The following ROBO1 variants were observed in gnomAD, a reference collection of about 807,000 sequenced individuals.
The protein encoded by ROBO1 is roundabout homolog 1.
In ROBO1, 149 loss-of-function variants were observed where a neutral mutation model predicts 195.9. That is an observed-to-expected ratio of 0.76 (90% CI 0.67 to 0.87). The LOEUF (loss-of-function observed/expected upper bound fraction) is 0.87, where lower values mean the gene tolerates loss of function less well. ROBO1 is among the 40% of genes least tolerant of loss of function. The pLI, the probability that ROBO1 is intolerant of heterozygous loss-of-function variation, is 0.00. For missense variants in ROBO1, 1,933 were observed against 2,068.3 expected, an observed-to-expected ratio of 0.93 and a Z score of 1.27; for synonymous variants, 816 against 733.2, an observed-to-expected ratio of 1.11 and a Z score of -1.82.
Position 79,048,982 on chromosome 3 carries a change from C to T in ROBO1, c.172+76474G>A, listed in dbSNP as rs151185295. Among the ~76,000 whole-genome samples, 7 of 152,242 alleles carry T rather than the reference C, an allele frequency of 4.6e-5. No homozygotes were observed. In the East Asian group the frequency reaches 1.2e-3, roughly 25 times the overall value. On this transcript the variant is annotated intron_variant, in intron 3 of 30. Transcript: ENST00000464233. ...GCTGAAAATTCCAAAAACCAGAGCA[C>T]CTCTTCTCCTCCAAAAGATCACACA... is the stretch of plus-strand genomic sequence containing the variant.
chr3:79,754,882 T>G (rs564418074), intron 1 of ROBO1, among the ~76,000 whole-genome samples: 1 of 152,184 alleles, frequency 6.6e-6, no homozygotes, highest in East Asian at 1.9e-4. Context: ...TTATTAATTA[T>G]TTATTTAATT....
intron 2 of ROBO1, among the ~76,000 whole-genome samples, chr3:79,416,234 G>T (rs949065261): frequency 6.6e-6 from 1 of 151,972 alleles, no homozygotes; most frequent in Non-Finnish European, 1.5e-5. Flanking sequence ...CTAGTTAAGG[G>T]CTATTGCAGC....
At chr3:79,485,040 C>A (rs1040858502) in intron 2 of ROBO1, among the ~76,000 whole-genome samples, 1 of 151,980 alleles carries the variant, frequency 6.6e-6, no homozygotes, top group Non-Finnish European at 1.5e-5. Flanking sequence ...GCGTGAGCCA[C>A]CATGCCCAGC....
At chr3:79,557,758 A>ATTTTTTTTT (rs1559991069) in intron 2 of ROBO1, among the ~76,000 whole-genome samples, 8 of 145,928 alleles carry the variant, frequency 5.5e-5, no homozygotes, top group African/African-American at 2.0e-4. Flanking sequence ...ATATATATAT[A>ATTTTTTTTT]TATATATTTT....
At chr3:79,265,940 C>G (rs543979980) in intron 2 of ROBO1, among the ~76,000 whole-genome samples, 31 of 151,062 alleles carry the variant, frequency 2.1e-4, no homozygotes, top group African/African-American at 7.5e-4. Context: ...CAACACTAAT[C>G]CATGACAAGA....
At chr3:79,365,688 G>C (rs1002051550) in intron 2 of ROBO1, among the ~76,000 whole-genome samples, 1 of 152,060 alleles carries the variant, frequency 6.6e-6, no homozygotes, top group Non-Finnish European at 1.5e-5. Context: ...ACGAGGTCAG[G>C]AGATCGAGAC....
chr3:78,913,022 T>C (rs145221155), intron 4 of ROBO1, among the ~76,000 whole-genome samples: 111 of 152,278 alleles, frequency 7.3e-4, no homozygotes, highest in African/African-American at 2.4e-3. Context: ...TTTTTTGATA[T>C]GATTTTTTGT....
Position 78,661,089 on chromosome 3 carries a change from A to G in ROBO1, c.2261T>C (p.Phe754Ser). 6.2e-7 allele frequency: 1 copy of G among 1,613,626 alleles called. No homozygotes were observed. Among genetic ancestry groups the G allele is most frequent in the Non-Finnish European group, 8.5e-7 (1 of 1,179,704 alleles). ...GVNYEIKARPFFNEFQGADSE... is the reference protein window; with the variant it reads ...GVNYEIKARPSFNEFQGADSE... ...ATCTGCTCCTTGAAATTCATTAAAA[A>G]AAGGGCGAGCCTTAATTTCATAGTT... Residue 754 changes from phenylalanine to serine, a missense_variant, in exon 16 of 31, where the codon TTT becomes TCT. Phe to Ser is a radical substitution (Grantham distance 155). This residue lies in a region of ROBO1 where 1,737 missense variants were observed against 1,882.5 expected (regional missense o/e 0.92). Coordinates refer to ENST00000464233, the MANE Select transcript of ROBO1 (RefSeq NM_002941.4).
intron 10 of ROBO1, 59 bp from the exon 11 acceptor site, chr3:78,670,360 C>G: frequency 7.1e-7 from 1 of 1,406,646 alleles, no homozygotes; most frequent in Non-Finnish European, 9.8e-7. Context: ...TTCTAATCAT[C>G]CAAGCAACAG....
chr3:79,129,512 A>G (rs943303741), intron 2 of ROBO1, among the ~76,000 whole-genome samples: 1 of 152,116 alleles, frequency 6.6e-6, no homozygotes, highest in African/African-American at 2.4e-5. Context: ...AGCAACAACT[A>G]TAAAAGGAAA....
At chr3:78,681,676 G>A (rs1389198317) in intron 10 of ROBO1, among the ~76,000 whole-genome samples, 1 of 152,050 alleles carries the variant, frequency 6.6e-6, no homozygotes, top group South Asian at 2.1e-4. Context: ...AGGCCGAGGC[G>A]GGTGGATCAC....
intron 2 of ROBO1, among the ~76,000 whole-genome samples, chr3:79,186,822 C>T (rs2108746506): frequency 6.6e-6 from 1 of 152,172 alleles, no homozygotes; most frequent in South Asian, 2.1e-4. Flanking sequence ...ATAAACTACC[C>T]TAGGTAGCCT....
chr3:79,221,376 C>T (rs1281405873), intron 2 of ROBO1, among the ~76,000 whole-genome samples: 1 of 152,090 alleles, frequency 6.6e-6, no homozygotes, highest in Non-Finnish European at 1.5e-5. Context: ...ATTTTTGACA[C>T]TGATGAGAAG....
At chr3:78,951,682 C>T (rs993978331) in intron 3 of ROBO1, among the ~76,000 whole-genome samples, 9 of 152,188 alleles carry the variant, frequency 5.9e-5, no homozygotes, top group Admixed American at 5.2e-4. Context: ...GGCAGGATTC[C>T]TTCAACAACT....
chr3:78,683,770 C>G (rs141141552), intron 10 of ROBO1, among the ~76,000 whole-genome samples: 1 of 151,604 alleles, frequency 6.6e-6, no homozygotes, highest in African/African-American at 2.4e-5. Flanking sequence ...ATACCATACA[C>G]AAAAATTAAC....
At chr3:79,709,322 T>C (rs767432478) in intron 1 of ROBO1, among the ~76,000 whole-genome samples, 3 of 152,162 alleles carry the variant, frequency 2.0e-5, no homozygotes, top group Admixed American at 6.6e-5. Context: ...TAATAGTTTA[T>C]ATAATTAGTC....
chr3:78,905,461 G>T (rs2037846740), intron 4 of ROBO1, among the ~76,000 whole-genome samples: 1 of 151,886 alleles, frequency 6.6e-6, no homozygotes, highest in Non-Finnish European at 1.5e-5. Flanking sequence ...AACATAGAGG[G>T]ACCCTAAATT....
chr3:79,174,952 G>T (rs1166075712), intron 2 of ROBO1, among the ~76,000 whole-genome samples: 2 of 151,728 alleles, frequency 1.3e-5, no homozygotes, highest in Non-Finnish European at 2.9e-5. Flanking sequence ...TTTGGATAAG[G>T]GCTAGATATT....
intron 2 of ROBO1, among the ~76,000 whole-genome samples, chr3:79,406,254 A>C (rs2037542935): frequency 6.6e-6 from 1 of 151,680 alleles, no homozygotes; most frequent in Non-Finnish European, 1.5e-5. Context: ...ATCTCAAAAA[A>C]AAAAAAAATC....
Sources: allele counts gnomAD v4.1 joint callset (sites outside exome capture counted in the v4.1 genomes callset), GRCh38; gene constraint gnomAD v4.1.1; regional missense constraint gnomAD v4.1.1; transcripts MANE v1.5; gene names NCBI Gene and HGNC (gene_info 2026-07-23, HGNC 2026-07-21).